GHR: variants seen among roughly 807,000 people sequenced by gnomAD.
GHR encodes the protein growth hormone receptor.
A neutral mutation model predicts 67.1 loss-of-function variants in GHR; 35 were observed. The ratio of observed to expected loss-of-function variants is 0.52; its 90% confidence interval spans 0.40 to 0.69. The LOEUF (loss-of-function observed/expected upper bound fraction) is 0.69, where lower values mean the gene tolerates loss of function less well. GHR is among the 30% of genes least tolerant of loss of function. GHR has a pLI of 0.00. For missense variants in GHR, 792 were observed against 764.6 expected (o/e 1.04, Z -0.42); for synonymous variants, 272 against 269.1 (o/e 1.01, Z -0.10).
At chr5:42,674,103 C>T (rs6873794) in intron 3 of GHR, among the ~76,000 whole-genome samples, 128,708 of 152,024 alleles carry the variant, frequency 0.85, 54,641 homozygotes, top group East Asian at 1. Context: ...GACAACCCCA[C>T]TTACAAGTGC....
chr5:42,434,683 T>C (rs16872562), intron 1 of GHR, among the ~76,000 whole-genome samples: 3,258 of 152,282 alleles, frequency 0.021, 118 homozygotes, highest in African/African-American at 0.074. Flanking sequence ...CTCTGCCATT[T>C]TTATAGAAGG....
intron 1 of GHR, among the ~76,000 whole-genome samples, chr5:42,437,660 G>C (rs1169783755): frequency 6.6e-6 from 1 of 151,556 alleles, no homozygotes; most frequent in Non-Finnish European, 1.5e-5. Context: ...CGATTCTCTT[G>C]CCTCTGCCTC....
chr5:42,596,997 T>C (rs1752103143), intron 2 of GHR, among the ~76,000 whole-genome samples: 1 of 152,172 alleles, frequency 6.6e-6, no homozygotes, highest in South Asian at 2.1e-4. Flanking sequence ...TGTTTAGGAA[T>C]GGCTGGGTGA....
At chr5:42,501,016 C>G (rs1746520063) in intron 1 of GHR, among the ~76,000 whole-genome samples, 1 of 152,170 alleles carries the variant, frequency 6.6e-6, no homozygotes, top group Non-Finnish European at 1.5e-5. Context: ...GGCTCATTAT[C>G]TGGAAGCTGG....
intron 2 of GHR, among the ~76,000 whole-genome samples, chr5:42,610,455 A>C (rs2112670945): frequency 6.6e-6 from 1 of 152,180 alleles, no homozygotes; most frequent in Middle Eastern, 3.4e-3. Flanking sequence ...AGGTAAAATC[A>C]TTTATTTTTC....
rs1476309288 is a variant in GHR at position 42,479,734 on chromosome 5, C to G, written c.-12+55779C>G. Among the ~76,000 whole-genome samples the G allele has an allele frequency of 2.0e-5, 3 of 151,958 alleles. No homozygotes were observed. In the East Asian group the frequency reaches 5.8e-4, roughly 29 times the overall value. ...TTTCTGTGGGATTGGTGGTGATATCCCCTTTATCATTTTTTATTGCGTCTA... is the reference window on the plus strand; with the variant it reads ...TTTCTGTGGGATTGGTGGTGATATCGCCTTTATCATTTTTTATTGCGTCTA... On this transcript the variant is annotated intron_variant, in intron 1 of 9. Transcript: ENST00000230882.
At chr5:42,661,334 A>AT (rs1157714431) in intron 3 of GHR, among the ~76,000 whole-genome samples, 2 of 152,220 alleles carry the variant, frequency 1.3e-5, no homozygotes, top group African/African-American at 4.8e-5. Context: ...GAAGGAAAAA[A>AT]TGTTCAGGGC....
intron 1 of GHR, among the ~76,000 whole-genome samples, chr5:42,502,755 A>G (rs966966824): frequency 4.7e-5 from 7 of 150,282 alleles, no homozygotes; most frequent in African/African-American, 1.5e-4. Flanking sequence ...TGTACATTTT[A>G]AACTCAAAAT....
chr5:42,666,912 G>T (rs974699349), intron 3 of GHR, among the ~76,000 whole-genome samples: 9 of 152,200 alleles, frequency 5.9e-5, no homozygotes, highest in Non-Finnish European at 1.0e-4. Context: ...CAGGAGAATG[G>T]TGCCAGGGTT....
chr5:42,690,936 C>G (rs1386943849), intron 4 of GHR, among the ~76,000 whole-genome samples: 1 of 152,148 alleles, frequency 6.6e-6, no homozygotes, highest in East Asian at 1.9e-4. Flanking sequence ...AGCAGAATAA[C>G]CTCTTAAGCT....
At chr5:42,459,680 A>T (rs1441463188) in intron 1 of GHR, among the ~76,000 whole-genome samples, 1 of 151,762 alleles carries the variant, frequency 6.6e-6, no homozygotes, top group Non-Finnish European at 1.5e-5. Flanking sequence ...AGAAAAAAAA[A>T]TGATTAATGA....
chr5:42,675,725 ATAG>A (rs995661740), intron 3 of GHR, among the ~76,000 whole-genome samples: 1 of 152,250 alleles, frequency 6.6e-6, no homozygotes, highest in Non-Finnish European at 1.5e-5. Context: ...ATAAATGCCA[ATAG>A]TAGTATATGT....
In GHR at chr5:42,718,625, C is replaced by T. The variant is rs1403907385; in HGVS notation, c.1118C>T (p.Ser373Leu). The T allele has an allele frequency of 6.2e-7, 1 of 1,614,040 alleles. No homozygotes were observed. The highest frequency in any genetic ancestry group is 1.1e-5 in the South Asian group (1 of 91,076). Residue 373 changes from serine to leucine, a missense_variant, in exon 10 of 10, where the codon TCA becomes TTA. By Grantham distance (145) the Ser-to-Leu change is moderately radical. Coordinates refer to ENST00000230882, the MANE Select transcript of GHR (RefSeq NM_000163.5). Reference protein sequence around the residue: ...DRLLSSDHEKSHSNLGVKDGD... With the variant: ...DRLLSSDHEKLHSNLGVKDGD... ...CTTCTAAGCAGTGACCATGAGAAAT[C>T]ACATAGTAACCTAGGGGTGAAGGAT...
At chr5:42,430,850 A>T (rs1394745371) in intron 1 of GHR, among the ~76,000 whole-genome samples, 2 of 152,144 alleles carry the variant, frequency 1.3e-5, no homozygotes, top group African/African-American at 4.8e-5. Context: ...TTGGACATGC[A>T]ATTTTCAAAC....
At chr5:42,436,257 A>C (rs998679433) in intron 1 of GHR, among the ~76,000 whole-genome samples, 2 of 152,168 alleles carry the variant, frequency 1.3e-5, no homozygotes, top group African/African-American at 4.8e-5. Flanking sequence ...AGCTGAGATT[A>C]AAACATATGT....
chr5:42,691,989 C>G (rs1757442945), intron 4 of GHR, among the ~76,000 whole-genome samples: 1 of 152,184 alleles, frequency 6.6e-6, no homozygotes, highest in African/African-American at 2.4e-5. Flanking sequence ...AGGAAGTGGG[C>G]ATGTGAACAC....
chr5:42,423,900 A>C lies in GHR; in HGVS notation c.-67A>C, dbSNP rs1426988223. 6.4e-6 allele frequency: 1 copy of C among 155,230 alleles called. No homozygotes were observed. The highest frequency in any genetic ancestry group is 6.5e-5 in the Admixed American group (1 of 15,272). The allele number at this position is 155,230 out of a possible 1,614,324, so 9.6% of individuals were successfully genotyped here. A position where few individuals can be genotyped will look rare whatever the true frequency, so the allele number is the denominator to read the frequency against. On this transcript the variant is annotated 5_prime_UTR_variant, in exon 1 of 10. Coordinates refer to ENST00000230882, the MANE Select transcript of GHR (RefSeq NM_000163.5). ...CACGCGGGCCGGAGGCCCCGGCACC[A>C]TTGGCCCCAGCGCAGACGCGAACCC... is the stretch of plus-strand genomic sequence containing the variant.
chr5:42,559,387 A>G (rs994080216), intron 1 of GHR, among the ~76,000 whole-genome samples: 5 of 152,160 alleles, frequency 3.3e-5, no homozygotes, highest in Admixed American at 2.0e-4. Context: ...AAATAAACAA[A>G]TAAATAAAAA....
intron 1 of GHR, among the ~76,000 whole-genome samples, chr5:42,471,770 G>A (rs1261324631): frequency 1.3e-5 from 2 of 152,094 alleles, no homozygotes; most frequent in East Asian, 3.8e-4. Flanking sequence ...GGAGAAACAG[G>A]GGTCTTAGGC....
Sources: allele counts gnomAD v4.1 joint callset (sites outside exome capture counted in the v4.1 genomes callset), GRCh38; gene constraint gnomAD v4.1.1; transcripts MANE v1.5; gene names NCBI Gene and HGNC (gene_info 2026-07-23, HGNC 2026-07-21).